The following FAF1 variants were observed in gnomAD, a reference collection of about 807,000 sequenced individuals.
The protein encoded by FAF1 is Fas associated factor 1, also known as FAS-associated factor 1.
In FAF1, 25 loss-of-function variants were observed where a neutral mutation model predicts 92.5. That is an observed-to-expected ratio of 0.27 (90% confidence interval 0.20 to 0.38). FAF1 has a LOEUF of 0.38. Ranked by LOEUF, FAF1 falls within the 10% of genes least tolerant of loss-of-function variation. The pLI is 1.00. For missense variants in FAF1, 636 were observed against 793.3 expected, an observed-to-expected ratio of 0.80 and a Z score of 2.38; for synonymous variants, 234 against 273.2, an observed-to-expected ratio of 0.86 and a Z score of 1.42.
intron 6 of FAF1, among the ~76,000 whole-genome samples, chr1:50,709,495 T>C (rs564083179): frequency 6.6e-6 from 1 of 152,348 alleles, no homozygotes; most frequent in South Asian, 2.1e-4. Flanking sequence ...AAAGAACTAC[T>C]GATTATCATT....
At chr1:50,810,465 G>A (rs888203750) in intron 2 of FAF1, among the ~76,000 whole-genome samples, 1 of 152,080 alleles carries the variant, frequency 6.6e-6, no homozygotes, top group Non-Finnish European at 1.5e-5. Context: ...CAAATCCATA[G>A]CCAACATCAC....
At chr1:50,933,249 T>C (rs1645062251) in intron 1 of FAF1, among the ~76,000 whole-genome samples, 1 of 152,228 alleles carries the variant, frequency 6.6e-6, no homozygotes, top group South Asian at 2.1e-4. Flanking sequence ...TTTTCTGAAC[T>C]TTTATGCTCT....
At chr1:50,665,200 C>T (rs549752088) in intron 7 of FAF1, among the ~76,000 whole-genome samples, 4 of 152,264 alleles carry the variant, frequency 2.6e-5, no homozygotes, top group African/African-American at 9.6e-5. Flanking sequence ...TAACCTAACA[C>T]CATTTTGTGA....
rs760058193 is a variant in FAF1, at chr1:50,452,158, A to G, written c.1870-10635T>C. ...TAAAATGAATATACAAAGAACGAGA[A>G]CAGGCATGTTTCCCCATCCTGGAAA... On this transcript the variant is annotated intron_variant, in intron 18 of 18. Transcript: ENST00000396153. 3 of 1,348,844 alleles carry G rather than the reference A, an allele frequency of 2.2e-6. No homozygotes were observed. The South Asian group carries it at 3.5e-5, about 16-fold the overall frequency. 83.6% of individuals were successfully genotyped at this position (1,348,844 alleles called of 1,614,324 possible).
In FAF1 at chr1:50,857,917, A is replaced by G. The variant is rs765909968; in HGVS notation, c.114+12T>C. ...ATTTGATTACTCATCAGAGAAAGAA[A>G]AAAGTACTTACCACTAAGTCCCAAT... On this transcript the variant is annotated intron_variant, in intron 2 of 18. Transcript: ENST00000396153. 4 of 1,553,714 alleles carry G rather than the reference A, an allele frequency of 2.6e-6. No individual in the cohort carries two copies. In the South Asian group the frequency reaches 4.8e-5, roughly 19 times the overall value.
In FAF1 at chr1:50,591,230, T is replaced by G. The variant is rs181552429; in HGVS notation, c.840+4891A>C. Among the ~76,000 whole-genome samples, 356 of 152,338 alleles carry G rather than the reference T, an allele frequency of 2.3e-3. 1 individual carries two copies. Among genetic ancestry groups the G allele is most frequent in the African/African-American group, 8.3e-3 (347 of 41,582 alleles). ...AAATGTGCTGTATTACATTGAGGAT[T>G]CCATTATCTCTTGCTTGCACTAGTA... is the stretch of plus-strand genomic sequence containing the variant. On this transcript the variant is annotated intron_variant, in intron 9 of 18. Coordinates refer to ENST00000396153, the MANE Select transcript of FAF1 (RefSeq NM_007051.3).
chr1:50,903,561 T>C (rs1355996933), intron 1 of FAF1, among the ~76,000 whole-genome samples: 4 of 152,092 alleles, frequency 2.6e-5, no homozygotes, highest in African/African-American at 9.7e-5. Flanking sequence ...AAAATTCCAG[T>C]TTCATAACAA....
At chr1:50,535,536 A>G in intron 14 of FAF1, 79 bp from the exon 15 acceptor site, 1 of 768,130 alleles carries the variant, frequency 1.3e-6, no homozygotes, top group Non-Finnish European at 2.1e-6. Context: ...TAGAAACTGG[A>G]AAGTCATTCT....
At chr1:50,623,553 C>A (rs1653313384) in intron 8 of FAF1, among the ~76,000 whole-genome samples, 1 of 145,370 alleles carries the variant, frequency 6.9e-6, no homozygotes, top group African/African-American at 2.6e-5. Flanking sequence ...CCAGCCTAGG[C>A]AACAGAGTGA....
chr1:50,500,721 A>G (rs1202659335), intron 15 of FAF1, among the ~76,000 whole-genome samples: 1 of 152,156 alleles, frequency 6.6e-6, no homozygotes, highest in African/African-American at 2.4e-5. Context: ...GAGTGTGCCT[A>G]TGTTAAAGTA....
chr1:50,515,811 C>A (rs181028116), intron 15 of FAF1, among the ~76,000 whole-genome samples: 20 of 152,100 alleles, frequency 1.3e-4, no homozygotes, highest in Non-Finnish European at 2.9e-4. Context: ...TATAAACAAC[C>A]CCTTCTTGCC....
chr1:50,902,143 A>G (rs1420554626), intron 1 of FAF1, among the ~76,000 whole-genome samples: 1 of 152,206 alleles, frequency 6.6e-6, no homozygotes, highest in African/African-American at 2.4e-5. Context: ...TGATCAGTTG[A>G]TTACTGTAAA....
At position 50,887,775 on chromosome 1, in the gene FAF1, C is replaced by T. The variant is rs148785408; in HGVS notation, c.46-29778G>A. ...TACCAGTACCATGCTGTTTTGGTTA[C>T]TGTAGCTTTGCAGTATAGTTTCAAG... On this transcript the variant is annotated intron_variant, in intron 1 of 18. Transcript: ENST00000396153. Among the ~76,000 whole-genome samples the T allele has an allele frequency of 2.6e-3, 390 of 152,312 alleles. 3 individuals carry two copies. The highest frequency in any genetic ancestry group is 8.6e-3 in the African/African-American group (358 of 41,572).
At chr1:50,527,150 C>T (rs1357612957) in intron 15 of FAF1, among the ~76,000 whole-genome samples, 8 of 152,214 alleles carry the variant, frequency 5.3e-5, no homozygotes, top group East Asian at 1.9e-4. Context: ...GCCACTGTGC[C>T]GGGCCCCTGA....
intron 1 of FAF1, among the ~76,000 whole-genome samples, chr1:50,917,783 C>G (rs957669420): frequency 2.6e-5 from 4 of 152,008 alleles, no homozygotes; most frequent in Non-Finnish European, 5.9e-5. Context: ...AGACCTCAGA[C>G]TAAACACCAG....
intron 15 of FAF1, among the ~76,000 whole-genome samples, chr1:50,501,656 G>A (rs1020597654): frequency 7.3e-5 from 10 of 136,210 alleles, no homozygotes; most frequent in South Asian, 2.4e-4. Flanking sequence ...GCAAGACTCC[G>A]TCTCAAAAAA....
chr1:50,727,465 C>T (rs1017748208), intron 6 of FAF1, among the ~76,000 whole-genome samples: 9 of 152,168 alleles, frequency 5.9e-5, no homozygotes, highest in Non-Finnish European at 1.0e-4. Flanking sequence ...TTACAATATT[C>T]GTTCCACAAA....
intron 1 of FAF1, among the ~76,000 whole-genome samples, chr1:50,885,320 A>ACACACACACACACACACACACC (rs1644651193): frequency 1.0e-5 from 1 of 95,602 alleles, no homozygotes; most frequent in Non-Finnish European, 2.2e-5. Flanking sequence ...TCTCACACAC[A>ACACACACACACACACACACACC]CACACTCTCT....
At chr1:50,851,956 G>A (rs1034830303) in intron 2 of FAF1, among the ~76,000 whole-genome samples, 1 of 152,026 alleles carries the variant, frequency 6.6e-6, no homozygotes, top group South Asian at 2.1e-4. Context: ...TAGTTTAGCA[G>A]TGTTTTATCA....
Sources: gnomAD v4.1 joint callset for allele counts (sites outside exome capture counted in the v4.1 genomes callset) on GRCh38, gnomAD v4.1.1 for gene constraint, MANE v1.5 for transcripts, NCBI Gene and HGNC (gene_info 2026-07-23, HGNC 2026-07-21) for gene names.